Variants in ZNF175 observed in about 807,000 individuals in gnomAD.
ZNF175 encodes zinc finger protein OTK18.
Under a neutral mutation model 14.0 loss-of-function variants are expected in ZNF175, and 8 were observed. The observed-to-expected ratio is 0.57, with a 90% confidence interval of 0.34 to 1.03. The LOEUF (loss-of-function observed/expected upper bound fraction) is 1.03, where lower values mean the gene tolerates loss of function less well. Ranked by LOEUF, ZNF175 falls within the 50% of genes least tolerant of loss-of-function variation. The pLI, the probability that ZNF175 is intolerant of heterozygous loss-of-function variation, is 0.03. For synonymous variants in ZNF175, 255 were observed against 296.8 expected (o/e 0.86, Z 1.45); for missense variants, 764 against 849.5 (o/e 0.90, Z 1.25).
At position 51,586,915 on chromosome 19, in the gene ZNF175, C is replaced by T; in HGVS notation, c.584C>T (p.Pro195Leu). 1 of 1,614,108 alleles carries T rather than the reference C, an allele frequency of 6.2e-7. No homozygotes were observed. Among genetic ancestry groups the T allele is most frequent in the Non-Finnish European group, 8.5e-7 (1 of 1,180,024 alleles). Residue 195 changes from proline (P) to leucine (L), a missense_variant, in exon 5 of 5, where the codon CCT (proline) becomes CTT (leucine). By Grantham distance (98) the Pro-to-Leu change is moderately conservative (BLOSUM62 -3). Coordinates refer to ENST00000262259, the MANE Select transcript of ZNF175 (RefSeq NM_007147.4). ...RPHLASSQKQ[P>L]QKCCLFTESL... The stretch of plus-strand genomic sequence containing the variant: ...CACCTTGCTTCTTCACAGAAACAAC[C>T]TCAGAAATGTTGCTTATTTACAGAA...
intron 4 of ZNF175, among the ~76,000 whole-genome samples, chr19:51,582,747 GT>G (rs1056089169): frequency 6.6e-6 from 1 of 151,714 alleles, no homozygotes; most frequent in African/African-American, 2.4e-5. Context: ...TTTTTTTCCA[GT>G]TTTTTTGCCC....
In ZNF175 at chr19:51,577,864, C is replaced by T. The variant is rs147581014; in HGVS notation, c.73-3527C>T. Among the ~76,000 whole-genome samples, 587 of 151,322 alleles carry T rather than the reference C, an allele frequency of 3.9e-3. 4 individuals are homozygous for T. Among genetic ancestry groups the T allele is most frequent in the African/African-American group, 0.011 (470 of 41,380 alleles). ...ATTTTTAGTAGAGATGGGGTTTCACCGTGTTAGCCAGGATGGTCTCAATCT... is the reference window on the plus strand; with the variant it reads ...ATTTTTAGTAGAGATGGGGTTTCACTGTGTTAGCCAGGATGGTCTCAATCT... On this transcript the variant is annotated intron_variant, in intron 2 of 4. Coordinates refer to ENST00000262259, the MANE Select transcript of ZNF175 (RefSeq NM_007147.4).
Position 51,571,296 on chromosome 19 carries a change from CTGT to C in ZNF175, c.-355_-353del. On this transcript the variant is annotated 5_prime_UTR_variant, in exon 1 of 5. Transcript: ENST00000262259. ...GTGGCCTAGAGCGACCATTTAGCTT[CTGT>C]TGTTAAGTGGATCTAAGCCTATGTC... The C allele has an allele frequency of 6.6e-6, 1 of 151,982 alleles. No individual in the cohort carries two copies. 9.4% of individuals were successfully genotyped at this position (151,982 alleles called of 1,614,324 possible).
intron 2 of ZNF175, among the ~76,000 whole-genome samples, chr19:51,578,571 G>T (rs561010625): frequency 6.6e-6 from 1 of 152,002 alleles, no homozygotes; most frequent in African/African-American, 2.4e-5. Flanking sequence ...AGTTTGAGAC[G>T]ATCCTGAGCG....
rs767051849 is a variant in ZNF175, at chr19:51,573,418, C to T, written c.72+17C>T. 6 of 1,612,562 alleles carry T rather than the reference C, an allele frequency of 3.7e-6. No individual in the cohort carries two copies. Among genetic ancestry groups the T allele is most frequent in the Non-Finnish European group, 5.1e-6 (6 of 1,179,376 alleles). ...TCTTGCGAGGTAAACAGGGGCAGCC[C>T]TGGGGATAGTTCTCCAGAACGTGAG... On this transcript the variant is annotated intron_variant, in intron 2 of 4. Transcript: ENST00000262259.
chr19:51,573,801 G>C (rs921141018), intron 2 of ZNF175: 1 of 309,156 alleles, frequency 3.2e-6, no homozygotes, highest in Non-Finnish European at 5.9e-6. Flanking sequence ...TTTTTCCTCT[G>C]TTCTCATAAG....
Position 51,587,183 on chromosome 19 carries a change from T to TG in ZNF175, c.858dup (p.Ser287GlufsTer16), listed in dbSNP as rs1450857115. The TG allele has an allele frequency of 3.1e-6, 5 of 1,614,180 alleles. No homozygotes were observed. Among genetic ancestry groups the TG allele is most frequent in the Non-Finnish European group, 4.2e-6 (5 of 1,180,018 alleles). ...AGAAACCAGATGGATGTTCTGAATG[T>TG]GGGGGGAGCTTCACCCAGAAGTCAC... On this transcript the variant is annotated frameshift_variant, in exon 5 of 5. Transcript: ENST00000262259. LOFTEE classifies it low-confidence loss of function (END_TRUNC).
In ZNF175 at chr19:51,579,273, A is replaced by T. The variant is rs912233530; in HGVS notation, c.73-2118A>T. On this transcript the variant is annotated intron_variant, in intron 2 of 4. Transcript: ENST00000262259. ...TCTCAAAAAAAAAAAAAAAAAAAAA[A>T]AGCTGGACATGGTAGTGCACGCCTG... 4.0e-3 allele frequency among the ~76,000 whole-genome samples: 565 copies of T among 140,030 alleles called. 29 individuals are homozygous for T. In the East Asian group the frequency reaches 0.078, roughly 19 times the overall value. The allele number at this position is 140,030 out of a possible 152,430, so 91.9% of individuals were successfully genotyped here.
In ZNF175 at chr19:51,573,276, G is replaced by A; in HGVS notation, c.-54G>A. ...AACACCTATCCAGCTTCTGGCTCCT[G>A]GGAAAAGTGGAGTTGTCAGCAAGAG... On this transcript the variant is annotated 5_prime_UTR_variant, in exon 2 of 5. Transcript: ENST00000262259. 3 of 1,590,644 alleles carry A rather than the reference G, an allele frequency of 1.9e-6. No individual in the cohort carries two copies. In the South Asian group the frequency reaches 3.3e-5, roughly 18 times the overall value.
At chr19:51,581,619 T>G in intron 3 of ZNF175, 102 bp downstream of exon 3, 2 of 1,535,402 alleles carry the variant, frequency 1.3e-6, no homozygotes, top group Non-Finnish European at 8.8e-7. Context: ...GTCATGACTC[T>G]TTTATCGGTT....
rs1204409204 is a variant in ZNF175 at position 51,586,725 on chromosome 19, T to C, written c.394T>C (p.Cys132Arg). 1 of 1,614,096 alleles carries C rather than the reference T, an allele frequency of 6.2e-7. No homozygotes were observed. Among genetic ancestry groups the C allele is most frequent in the South Asian group, 1.1e-5 (1 of 91,084 alleles). ...VGEFTRDGSW[C>R]SILEELRLDA... is the part of the protein sequence containing the mutation. ...TGAGTTCACAAGAGATGGTTCATGG[T>C]GTTCCATTTTAGAAGAACTGAGGCT... Residue 132 changes from cysteine to arginine, a missense_variant, in exon 5 of 5, where the codon TGT (cysteine) becomes CGT (arginine). Cys to Arg is a radical substitution (Grantham distance 180). Coordinates refer to ENST00000262259, the MANE Select transcript of ZNF175 (RefSeq NM_007147.4).
chr19:51,582,558 A>G (rs1982043809), intron 4 of ZNF175, among the ~76,000 whole-genome samples: 1 of 152,156 alleles, frequency 6.6e-6, no homozygotes, highest in Non-Finnish European at 1.5e-5. Flanking sequence ...CGGCCTCCCA[A>G]AGTGCTGGAA....
intron 4 of ZNF175, among the ~76,000 whole-genome samples, chr19:51,583,734 T>G (rs1490720910): frequency 6.6e-6 from 1 of 152,212 alleles, no homozygotes; most frequent in Non-Finnish European, 1.5e-5. Flanking sequence ...TTCTTTTCAG[T>G]GATATTGTCC....
intron 2 of ZNF175, among the ~76,000 whole-genome samples, chr19:51,574,984 T>G (rs1359464812): frequency 6.6e-6 from 1 of 152,178 alleles, no homozygotes; most frequent in Non-Finnish European, 1.5e-5. Flanking sequence ...CTTTGTGGTG[T>G]GTATTTCCCT....
chr19:51,577,870 A>C (rs567499387), intron 2 of ZNF175, among the ~76,000 whole-genome samples: 2 of 151,068 alleles, frequency 1.3e-5, no homozygotes, highest in Non-Finnish European at 3.0e-5. Flanking sequence ...TCACCGTGTT[A>C]GCCAGGATGG....
chr19:51,581,579 A>C (rs768186464), intron 3 of ZNF175, 62 bp downstream of exon 3: 187 of 1,573,462 alleles, frequency 1.2e-4, no homozygotes, highest in Non-Finnish European at 1.4e-4. Flanking sequence ...CTTCCTCCTC[A>C]TTGCAGAACG....
intron 2 of ZNF175, among the ~76,000 whole-genome samples, chr19:51,580,299 A>G (rs7245800): frequency 0.39 from 59,258 of 151,978 alleles, 12,127 homozygotes; most frequent in Middle Eastern, 0.57. Context: ...TTTGCATCAT[A>G]TTAGGTGCAC....
intron 4 of ZNF175, among the ~76,000 whole-genome samples, chr19:51,585,212 C>A (rs368119004): frequency 6.6e-6 from 1 of 152,218 alleles, no homozygotes; most frequent in East Asian, 1.9e-4. Context: ...AGTGAATAAG[C>A]CAGACACAAA....
intron 2 of ZNF175, chr19:51,574,181 A>G (rs1981693130): frequency 6.6e-6 from 1 of 152,232 alleles, no homozygotes; most frequent in Non-Finnish European, 1.5e-5. Flanking sequence ...AAAAAGTATA[A>G]TAAATATGTG....
Sources: allele counts gnomAD v4.1 joint callset (sites outside exome capture counted in the v4.1 genomes callset), GRCh38; gene constraint gnomAD v4.1.1; transcripts MANE v1.5; gene names NCBI Gene and HGNC (gene_info 2026-07-23, HGNC 2026-07-21).